The following KRT85 variants were observed in gnomAD, a reference collection of about 807,000 sequenced individuals.
The protein encoded by KRT85 is keratin 85, also known as keratin, type II cuticular Hb5.
A neutral mutation model predicts 53.7 loss-of-function variants in KRT85; 39 were observed. That is an observed-to-expected ratio of 0.73 (90% CI 0.56 to 0.95). The LOEUF is 0.95. KRT85 is among the 40% of genes least tolerant of loss of function. The pLI, the probability that KRT85 is intolerant of heterozygous loss-of-function variation, is 0.00. For missense variants in KRT85, 668 were observed against 686.0 expected (o/e 0.97, Z 0.29); for synonymous variants, 291 against 277.5 (o/e 1.05, Z -0.48).
intron 1 of KRT85, among the ~76,000 whole-genome samples, chr12:52,366,624 C>T (rs1490328203): frequency 6.6e-6 from 1 of 152,104 alleles, no homozygotes; most frequent in East Asian, 1.9e-4. Flanking sequence ...CACACACGCT[C>T]ACACACATGT....
In KRT85 at chr12:52,367,127, T is replaced by C. The variant is rs143575567; in HGVS notation, c.279A>G (p.Pro93=). The C allele has an allele frequency of 2.5e-5, 41 of 1,613,162 alleles. No homozygotes were observed. In the African/African-American group the frequency reaches 4.9e-4, roughly 19 times the overall value. Residue 93 remains proline (P), a synonymous_variant, in exon 1 of 9, where the codon CCA becomes CCG. Transcript: ENST00000257901. ...CGTTGACCGACACGGTAGTGATGCA[T>C]GGGGGGCTGGGTCCGCACACGCCCC... is the stretch of plus-strand genomic sequence containing the variant. The part of the protein sequence containing the change: ...RSGGVCGPSP[P]CITTVSVNES...
Position 52,360,468 on chromosome 12 carries a change from T to G in KRT85, c.*385A>C. ...TTCTCCCTGATTCTCGGGTTGTGGG[T>G]GGCCTGGCTGGATGGTTAGGATGGC... On this transcript the variant is annotated 3_prime_UTR_variant, in exon 9 of 9. Coordinates refer to ENST00000257901, the MANE Select transcript of KRT85 (RefSeq NM_002283.4). 3.9e-6 allele frequency: 1 copy of G among 253,174 alleles called. No homozygotes were observed. The allele number at this position is 253,174 out of a possible 1,614,324, so 15.7% of individuals were successfully genotyped here.
Position 52,364,981 on chromosome 12 carries a change from G to A in KRT85, c.610C>T (p.Leu204=), listed in dbSNP as rs200474616. ...ACTCACTTCTTCTTGTAGCCCTCCA[G>A]CACCTCCTGCACATGGTTGAGCTCT... is the stretch of plus-strand genomic sequence containing the variant. The part of the protein sequence containing the change: ...ASELNHVQEV[L]EGYKKKYEEE... The change falls in exon 2 of 9, where the codon CTG becomes TTG. Residue 204 remains leucine (L), a synonymous_variant. Transcript: ENST00000257901. 1 of 1,612,752 alleles carries A rather than the reference G, an allele frequency of 6.2e-7. No individual in the cohort carries two copies. Among genetic ancestry groups the A allele is most frequent in the African/African-American group, 1.3e-5 (1 of 75,022 alleles).
intron 1 of KRT85, among the ~76,000 whole-genome samples, 188 bp downstream of exon 1, chr12:52,366,798 A>G (rs1939277961): frequency 6.6e-6 from 1 of 152,188 alleles, no homozygotes; most frequent in African/African-American, 2.4e-5. Flanking sequence ...TTTCTAGACC[A>G]CACCTGGACC....
rs1939292837 is a variant in KRT85, at chr12:52,367,477, C to T, written c.-72G>A. Reference sequence around the variant, plus strand: ...GCGGCAGAGTGCGAGGCTCAGGATCCTTCTGCTCTCTCTGATCCTCCCTGG... The same window carrying T: ...GCGGCAGAGTGCGAGGCTCAGGATCTTTCTGCTCTCTCTGATCCTCCCTGG... On this transcript the variant is annotated 5_prime_UTR_variant, in exon 1 of 9. Coordinates refer to ENST00000257901, the MANE Select transcript of KRT85 (RefSeq NM_002283.4). 1.3e-6 allele frequency: 2 copies of T among 1,490,428 alleles called. No homozygotes were observed. The highest frequency in any genetic ancestry group is 3.6e-5 in the Admixed American group (2 of 55,404). 92.3% of individuals were successfully genotyped at this position (1,490,428 alleles called of 1,614,324 possible).
chr12:52,360,298 A>G lies in KRT85; in HGVS notation c.*555T>C, dbSNP rs1011427293. 13 of 174,600 alleles carry G rather than the reference A, an allele frequency of 7.4e-5. No homozygotes were observed. Among genetic ancestry groups the G allele is most frequent in the Non-Finnish European group, 1.5e-4 (12 of 81,262 alleles). 10.8% of individuals were successfully genotyped at this position (174,600 alleles called of 1,614,324 possible). On this transcript the variant is annotated 3_prime_UTR_variant, in exon 9 of 9. Transcript: ENST00000257901. The stretch of plus-strand genomic sequence containing the variant: ...ATGGGCTTCTCAACTGCGAGGTCAC[A>G]TGAGGAGCCTGGCTGGAACAGGTTA...
In KRT85 at chr12:52,361,238, C is replaced by T. The variant is rs535093825; in HGVS notation, c.1331-192G>A. Among the ~76,000 whole-genome samples the T allele has an allele frequency of 3.3e-5, 5 of 152,308 alleles. No homozygotes were observed. The South Asian group carries it at 6.2e-4, about 19-fold the overall frequency. ...GAAGGAAGTGAGGACCCCTGGACCC[C>T]GGGGAGCAAAGCTGCCAGGCCACAG... On this transcript the variant is annotated intron_variant, in intron 8 of 8. Transcript: ENST00000257901.
At chr12:52,362,589 C>G in intron 6 of KRT85, 118 bp from the exon 7 acceptor site, 1 of 1,363,212 alleles carries the variant, frequency 7.3e-7, no homozygotes, top group South Asian at 1.2e-5. Context: ...GGCCCGTGGC[C>G]AGGTAGTTAA....
In KRT85 at chr12:52,360,721, T is replaced by C. The variant is rs1259051765; in HGVS notation, c.*132A>G. On this transcript the variant is annotated 3_prime_UTR_variant, in exon 9 of 9. Coordinates refer to ENST00000257901, the MANE Select transcript of KRT85 (RefSeq NM_002283.4). ...GGAGCGGCCCGAGGGTCTTTCCCTCTGTAGGTCTTTCCCTCTGTAGGAACA... is the reference window on the plus strand; with the variant it reads ...GGAGCGGCCCGAGGGTCTTTCCCTCCGTAGGTCTTTCCCTCTGTAGGAACA... 1 of 1,066,190 alleles carries C rather than the reference T, an allele frequency of 9.4e-7. No homozygotes were observed. The highest frequency in any genetic ancestry group is 2.4e-5 in the East Asian group (1 of 41,884). The allele number at this position is 1,066,190 out of a possible 1,614,324, so 66.0% of individuals were successfully genotyped here. A position where few individuals can be genotyped will look rare whatever the true frequency, so the allele number is the denominator to read the frequency against.
chr12:52,361,071 G>C (rs1217564393), intron 8 of KRT85, 25 bp from the exon 9 acceptor site: 3 of 1,582,010 alleles, frequency 1.9e-6, no homozygotes, highest in African/African-American at 1.3e-5. Flanking sequence ...GACATGGAGG[G>C]GTGAGCAGCT....
chr12:52,363,972 C>T (rs1396200138), intron 4 of KRT85, 96 bp downstream of exon 4: 2 of 961,962 alleles, frequency 2.1e-6, no homozygotes, highest in East Asian at 4.8e-5. Flanking sequence ...TGCACATTGG[C>T]AAACATAGGC....
intron 1 of KRT85, 71 bp from the exon 2 acceptor site, chr12:52,365,241 T>G (rs927274835): frequency 1.3e-6 from 2 of 1,504,130 alleles, no homozygotes; most frequent in Non-Finnish European, 1.8e-6. Flanking sequence ...ACAGTCTCTC[T>G]GCCCTCGGGT....
chr12:52,365,044 C>A lies in KRT85; in HGVS notation c.547G>T (p.Ala183Ser). Reference sequence around the variant, plus strand: ...CCGCTGTCGGCCTCCACGCACTCGGCCTCCCGCCGCAGAGTCTCGATGTAG... The same window carrying A: ...CCGCTGTCGGCCTCCACGCACTCGGACTCCCGCCGCAGAGTCTCGATGTAG... ...SGYIETLRRE[A>S]ECVEADSGRL... The change falls in exon 2 of 9, where the codon GCC becomes TCC. Residue 183 changes from alanine (A) to serine (S), a missense_variant. Transcript: ENST00000257901. 1 of 1,613,538 alleles carries A rather than the reference C, an allele frequency of 6.2e-7. No individual in the cohort carries two copies. The highest frequency in any genetic ancestry group is 1.3e-5 in the African/African-American group (1 of 75,048).
Position 52,367,136 on chromosome 12 carries a change from G to A in KRT85, c.270C>T (p.Pro90=). The A allele has an allele frequency of 2.5e-6, 4 of 1,613,474 alleles. No homozygotes were observed. Among genetic ancestry groups the A allele is most frequent in the Non-Finnish European group, 3.4e-6 (4 of 1,180,020 alleles). ...ACACGGTAGTGATGCATGGGGGGCT[G>A]GGTCCGCACACGCCCCCGGAGCGGT... ...FGYRSGGVCG[P]SPPCITTVSV... Residue 90 remains proline, a synonymous_variant, in exon 1 of 9, where the codon CCC becomes CCT. Transcript: ENST00000257901.
At chr12:52,362,208 C>T (rs1160845222) in intron 7 of KRT85, 43 bp downstream of exon 7, 1 of 1,613,458 alleles carries the variant, frequency 6.2e-7, no homozygotes, top group African/African-American at 1.3e-5. Flanking sequence ...TGGAGGACCA[C>T]AGCCTCCACC....
intron 6 of KRT85, among the ~76,000 whole-genome samples, 182 bp downstream of exon 6, chr12:52,362,672 C>G (rs1939210473): frequency 6.6e-6 from 1 of 152,112 alleles, no homozygotes; most frequent in African/African-American, 2.4e-5. Flanking sequence ...CACAGGGTGG[C>G]CAAGGAAGGG....
chr12:52,364,463 A>T, intron 2 of KRT85, 97 bp from the exon 3 acceptor site: 1 of 1,605,364 alleles, frequency 6.2e-7, no homozygotes, highest in East Asian at 2.2e-5. Context: ...AAAAGGGATT[A>T]ATCCCCTCCA....
At position 52,362,556 on chromosome 12, in the gene KRT85, A is replaced by G. The variant is rs1939208671; in HGVS notation, c.1078-85T>C. 3 of 1,539,732 alleles carry G rather than the reference A, an allele frequency of 1.9e-6. No individual in the cohort carries two copies. The Admixed American group carries it at 5.6e-5, about 29-fold the overall frequency. The stretch of plus-strand genomic sequence containing the variant: ...AAGCTGATGGAGCCAGGGCAGGGAG[A>G]GGAGGGTCCTGGAGAGAAGGTTGGC... On this transcript the variant is annotated intron_variant, in intron 6 of 8. Coordinates refer to ENST00000257901, the MANE Select transcript of KRT85 (RefSeq NM_002283.4).
At chr12:52,366,910 C>G in intron 1 of KRT85, 76 bp downstream of exon 1, 1 of 1,612,822 alleles carries the variant, frequency 6.2e-7, no homozygotes, top group Non-Finnish European at 8.5e-7. Flanking sequence ...GCCATCCTGT[C>G]TCCTCAGCAG....
Sources: gnomAD v4.1 joint callset for allele counts (sites outside exome capture counted in the v4.1 genomes callset) on GRCh38, gnomAD v4.1.1 for gene constraint, MANE v1.5 for transcripts, NCBI Gene and HGNC (gene_info 2026-07-23, HGNC 2026-07-21) for gene names.